Variants in MRPS6 observed in about 807,000 individuals in gnomAD.
The protein encoded by MRPS6 is small ribosomal subunit protein bS6m.
Under a neutral mutation model 13.1 loss-of-function variants are expected in MRPS6, and 6 were observed. The ratio of observed to expected loss-of-function variants is 0.46; its 90% confidence interval spans 0.25 to 0.91. The LOEUF (loss-of-function observed/expected upper bound fraction) is 0.91. Among genes scored for constraint, MRPS6 ranks in the 40% least tolerant of loss-of-function variants. The pLI is 0.18. For missense variants in MRPS6, 164 were observed against 155.6 expected, an observed-to-expected ratio of 1.05 and a Z score of -0.29; for synonymous variants, 61 against 56.5, an observed-to-expected ratio of 1.08 and a Z score of -0.36.
intron 1 of MRPS6, among the ~76,000 whole-genome samples, chr21:34,119,944 G>T (rs1434719654): frequency 1.3e-5 from 2 of 152,040 alleles, no homozygotes; most frequent in East Asian, 3.8e-4. Flanking sequence ...TTTTACTACA[G>T]CAACTTTTCC....
chr21:34,077,883 A>G (rs1327053675), intron 1 of MRPS6, among the ~76,000 whole-genome samples: 1 of 152,202 alleles, frequency 6.6e-6, no homozygotes, highest in Non-Finnish European at 1.5e-5. Flanking sequence ...TTTTTTGATT[A>G]GAACACCTGG....
chr21:34,102,484 T>C (rs1011945040), intron 1 of MRPS6: 1 of 1,000,184 alleles, frequency 1.0e-6, no homozygotes, highest in Non-Finnish European at 1.2e-6. Context: ...CATTGGCATA[T>C]ATAGTCTTTC....
chr21:34,075,100 C>T (rs953638212), intron 1 of MRPS6, among the ~76,000 whole-genome samples: 2 of 152,198 alleles, frequency 1.3e-5, no homozygotes, highest in African/African-American at 4.8e-5. Flanking sequence ...GCAGTGAAAA[C>T]AAAGCATTAT....
chr21:34,097,613 G>T, intron 1 of MRPS6: 3 of 1,202,006 alleles, frequency 2.5e-6, no homozygotes, highest in Non-Finnish European at 3.1e-6. Flanking sequence ...AAAGTAAGAA[G>T]AGACCAATTA....
chr21:34,116,222 G>A (rs1282743855), intron 1 of MRPS6, among the ~76,000 whole-genome samples: 1 of 148,244 alleles, frequency 6.7e-6, no homozygotes, highest in East Asian at 2.0e-4. Flanking sequence ...GTGTGTATGT[G>A]TGTTTTGTAG....
chr21:34,073,757 T>G lies in MRPS6; in HGVS notation c.45+12T>G. The G allele has an allele frequency of 6.6e-7, 1 of 1,512,072 alleles. No individual in the cohort carries two copies. The highest frequency in any genetic ancestry group is 8.9e-7 in the Non-Finnish European group (1 of 1,124,376). The allele number at this position is 1,512,072 out of a possible 1,614,324, so 93.7% of individuals were successfully genotyped here. On this transcript the variant is annotated intron_variant, in intron 1 of 2. Coordinates refer to ENST00000399312, the MANE Select transcript of MRPS6 (RefSeq NM_032476.4). ...AAGCCATGCAGCGGGTAAGTGACCT[T>G]CCCTCAGAGCCGGTCTTCCCGCGCG...
intron 1 of MRPS6, among the ~76,000 whole-genome samples, chr21:34,108,198 C>G (rs1285034130): frequency 6.6e-6 from 1 of 152,210 alleles, no homozygotes; most frequent in African/African-American, 2.4e-5. Context: ...TTTACATTCA[C>G]TAACCACTCA....
intron 1 of MRPS6, chr21:34,123,838 GC>G (rs1391560742): frequency 1.3e-5 from 2 of 152,114 alleles, no homozygotes; most frequent in African/African-American, 2.4e-5. Context: ...CTTGCCAAAT[GC>G]CCATGTAGCT....
intron 1 of MRPS6, among the ~76,000 whole-genome samples, chr21:34,088,344 G>A (rs11701760): frequency 0.94 from 143,278 of 152,266 alleles, 67,452 homozygotes; most frequent in Admixed American, 0.95. Context: ...ACATAGATAC[G>A]TCTGGTCTTA....
intron 2 of MRPS6, among the ~76,000 whole-genome samples, chr21:34,131,225 G>A (rs745773938): frequency 6.6e-6 from 1 of 152,230 alleles, no homozygotes; most frequent in Non-Finnish European, 1.5e-5. Context: ...AAATCCAGAC[G>A]TTTGTGCCTT....
intron 1 of MRPS6, among the ~76,000 whole-genome samples, chr21:34,078,975 A>G (rs974681957): frequency 4.6e-5 from 7 of 152,254 alleles, no homozygotes; most frequent in African/African-American, 1.7e-4. Context: ...TACTTAAGGA[A>G]TTAGTCAAAT....
intron 1 of MRPS6, chr21:34,103,277 T>C (rs1979326852): frequency 9.0e-6 from 9 of 997,888 alleles, no homozygotes; most frequent in Non-Finnish European, 1.1e-5. Context: ...TTTGTATTTG[T>C]TATTCCTCTT....
intron 1 of MRPS6, among the ~76,000 whole-genome samples, chr21:34,116,698 C>T (rs1383790854): frequency 6.6e-6 from 1 of 152,068 alleles, no homozygotes. Context: ...GCCAGAGCAG[C>T]CCCAAGAAGC....
chr21:34,077,311 C>G (rs1007659296), intron 1 of MRPS6, among the ~76,000 whole-genome samples: 2 of 152,110 alleles, frequency 1.3e-5, no homozygotes, highest in Non-Finnish European at 2.9e-5. Context: ...CTTGGGTATA[C>G]AGGAAGAAGA....
chr21:34,089,055 C>G lies in MRPS6; in HGVS notation c.45+15310C>G, dbSNP rs1033411653. On this transcript the variant is annotated intron_variant, in intron 1 of 2. Coordinates refer to ENST00000399312, the MANE Select transcript of MRPS6 (RefSeq NM_032476.4). The stretch of plus-strand genomic sequence containing the variant: ...TATTTCCTTTTCTTTTTGAGACAGT[C>G]TCGCTCTGTTGCCCAGGCTGGAGTG... Among the ~76,000 whole-genome samples, 5 of 152,100 alleles carry G rather than the reference C, an allele frequency of 3.3e-5. No homozygotes were observed. The East Asian group carries it at 7.7e-4, about 23-fold the overall frequency.
At chr21:34,083,994 A>G (rs1989516109) in intron 1 of MRPS6, among the ~76,000 whole-genome samples, 1 of 152,206 alleles carries the variant, frequency 6.6e-6, no homozygotes, top group Admixed American at 6.5e-5. Flanking sequence ...GCAATGCAAG[A>G]GGAAAATCCA....
intron 2 of MRPS6, among the ~76,000 whole-genome samples, chr21:34,133,264 C>T (rs1980568032): frequency 6.6e-6 from 1 of 152,088 alleles, no homozygotes; most frequent in Admixed American, 6.5e-5. Context: ...ATTCTTTTTA[C>T]CCTTATCACA....
chr21:34,101,784 A>G (rs1979247732), intron 1 of MRPS6: 1 of 996,358 alleles, frequency 1.0e-6, no homozygotes, highest in South Asian at 4.7e-5. Context: ...TTAGCTTAAA[A>G]TGTTAATTCT....
chr21:34,094,130 C>T (rs1476551790), intron 1 of MRPS6, among the ~76,000 whole-genome samples: 1 of 152,174 alleles, frequency 6.6e-6, no homozygotes, highest in Non-Finnish European at 1.5e-5. Context: ...TTTTTATCTT[C>T]TTGCAGCATC....
Sources: allele counts gnomAD v4.1 joint callset (sites outside exome capture counted in the v4.1 genomes callset), GRCh38; gene constraint gnomAD v4.1.1; transcripts MANE v1.5; gene names NCBI Gene and HGNC (gene_info 2026-07-23, HGNC 2026-07-21).